Variants in FSIP1 observed in about 807,000 individuals in gnomAD.
The protein encoded by FSIP1 is fibrous sheath interacting protein 1.
In FSIP1, 65 loss-of-function variants were observed where a neutral mutation model predicts 60.9. That is an observed-to-expected ratio of 1.07 (90% CI 0.87 to 1.31). The LOEUF (loss-of-function observed/expected upper bound fraction) is 1.31, where lower values mean the gene tolerates loss of function less well. Among genes scored for constraint, FSIP1 ranks in the 40% most tolerant of loss-of-function variants. FSIP1 has a pLI of 0.00. For synonymous variants in FSIP1, 209 were observed against 221.2 expected (o/e 0.94, Z 0.49); for missense variants, 675 against 665.5 (o/e 1.01, Z -0.16).
intron 9 of FSIP1, among the ~76,000 whole-genome samples, chr15:39,718,392 C>G (rs193116323): frequency 9.2e-5 from 14 of 151,852 alleles, no homozygotes; most frequent in Admixed American, 1.3e-4. Context: ...CAATAATTAA[C>G]TTGGCAAAAA....
chr15:39,607,834 C>T (rs1349520866), intron 11 of FSIP1, among the ~76,000 whole-genome samples: 2 of 152,210 alleles, frequency 1.3e-5, no homozygotes, highest in African/African-American at 2.4e-5. Context: ...TTCTTCCTGT[C>T]TGCTTCCAGA....
At chr15:39,637,238 A>G (rs1892172780) in intron 10 of FSIP1, among the ~76,000 whole-genome samples, 1 of 152,140 alleles carries the variant, frequency 6.6e-6, no homozygotes, top group African/African-American at 2.4e-5. Context: ...CAAACTCCCT[A>G]TCAATCTAGG....
At chr15:39,689,924 T>A (rs1380093182) in intron 10 of FSIP1, among the ~76,000 whole-genome samples, 1 of 152,198 alleles carries the variant, frequency 6.6e-6, no homozygotes, top group Non-Finnish European at 1.5e-5. Context: ...AAATCACTCA[T>A]TCAAAACCAG....
At chr15:39,730,236 G>A (rs1896352687) in intron 8 of FSIP1, among the ~76,000 whole-genome samples, 1 of 152,108 alleles carries the variant, frequency 6.6e-6, no homozygotes, top group Non-Finnish European at 1.5e-5. Flanking sequence ...TTTTGAAACT[G>A]GCAGACATCC....
chr15:39,762,270 C>G (rs989228265), intron 5 of FSIP1, among the ~76,000 whole-genome samples: 1 of 152,192 alleles, frequency 6.6e-6, no homozygotes, highest in African/African-American at 2.4e-5. Flanking sequence ...GTCAGCAGAG[C>G]ATTCCTTCCG....
downstream of FSIP1, chr15:39,599,229 G>A (rs779393243): frequency 2.0e-5 from 3 of 152,072 alleles, no homozygotes; most frequent in Admixed American, 1.3e-4. Flanking sequence ...AAAAAAATCC[G>A]GAAGCTTTTT....
downstream of FSIP1, chr15:39,599,347 A>G (rs908530559): frequency 6.6e-6 from 1 of 152,138 alleles, no homozygotes; most frequent in Admixed American, 6.6e-5. Context: ...TACTTAAAAT[A>G]ACTCTATTTT....
At chr15:39,649,391 G>C (rs1421474292) in intron 10 of FSIP1, among the ~76,000 whole-genome samples, 1 of 152,096 alleles carries the variant, frequency 6.6e-6, no homozygotes, top group Non-Finnish European at 1.5e-5. Context: ...AATGCTTCAA[G>C]TTTTCAATCT....
chr15:39,657,770 G>A (rs1893128217), intron 10 of FSIP1, among the ~76,000 whole-genome samples: 1 of 152,090 alleles, frequency 6.6e-6, no homozygotes, highest in South Asian at 2.1e-4. Flanking sequence ...TCTACACTCT[G>A]ATCATAAAAT....
intron 10 of FSIP1, among the ~76,000 whole-genome samples, chr15:39,704,813 T>C (rs1895199097): frequency 6.6e-6 from 1 of 152,208 alleles, no homozygotes; most frequent in Non-Finnish European, 1.5e-5. Flanking sequence ...GACAAGAGCA[T>C]GTCGAAATAA....
At position 39,617,827 on chromosome 15, in the gene FSIP1, G is replaced by C; in HGVS notation, c.1607C>G (p.Ser536Cys). The change falls in exon 11 of 12, where the codon TCC (serine) becomes TGC (cysteine). Residue 536 changes from serine (S) to cysteine (C), a missense_variant. Ser to Cys is a moderately radical substitution (Grantham distance 112, BLOSUM62 -1). Transcript: ENST00000350221. ...ACCATACAGTGGATCATCTAAGAAG[G>C]AGGGCCTTTTCAGTCTCCCAATGCC... Reference protein sequence around the residue: ...TLGIGRLKRPSFLDDPLYGIS... With the variant: ...TLGIGRLKRPCFLDDPLYGIS... 1 of 1,613,632 alleles carries C rather than the reference G, an allele frequency of 6.2e-7. No homozygotes were observed. The highest frequency in any genetic ancestry group is 1.3e-5 in the African/African-American group (1 of 75,058).
At chr15:39,760,993 A>G (rs1897477248) in intron 5 of FSIP1, among the ~76,000 whole-genome samples, 1 of 152,198 alleles carries the variant, frequency 6.6e-6, no homozygotes, top group Non-Finnish European at 1.5e-5. Flanking sequence ...CTCACTAATC[A>G]TTCAGGAAAT....
intron 10 of FSIP1, 94 bp from the exon 11 acceptor site, chr15:39,618,339 T>A: frequency 1.1e-6 from 1 of 926,038 alleles, no homozygotes; most frequent in Non-Finnish European, 1.6e-6. Flanking sequence ...TAAATGCAAG[T>A]AACCCCTTAC....
chr15:39,754,890 G>A (rs540664167), intron 5 of FSIP1, among the ~76,000 whole-genome samples: 74 of 152,108 alleles, frequency 4.9e-4, no homozygotes, highest in African/African-American at 1.8e-3. Context: ...TCAAATTTAG[G>A]AGGACCACTT....
rs372110496 is a variant in FSIP1, at chr15:39,738,148, C to A, written c.834G>T (p.Arg278Ser). Residue 278 changes from arginine (R) to serine (S), a missense_variant, in exon 8 of 12, where the codon AGG becomes AGT. Arg to Ser is a moderately radical substitution (Grantham distance 110). Coordinates refer to ENST00000350221, the MANE Select transcript of FSIP1 (RefSeq NM_152597.5). ...PVVMVDREKK[R>S]LVELLKDLDE... ...CCAAGTCCTTCAAAAGCTCAACCAGCCTTTTCTTCTCTCTGTCAACCATAA... is the reference window on the plus strand; with the variant it reads ...CCAAGTCCTTCAAAAGCTCAACCAGACTTTTCTTCTCTCTGTCAACCATAA... 2 of 1,613,436 alleles carry A rather than the reference C, an allele frequency of 1.2e-6. No homozygotes were observed. The highest frequency in any genetic ancestry group is 1.7e-6 in the Non-Finnish European group (2 of 1,179,806).
At chr15:39,728,192 G>A (rs1896270731) in intron 8 of FSIP1, among the ~76,000 whole-genome samples, 2 of 152,272 alleles carry the variant, frequency 1.3e-5, no homozygotes, top group South Asian at 2.1e-4. Context: ...AATCAGTATT[G>A]CTAAAATGGC....
intron 10 of FSIP1, among the ~76,000 whole-genome samples, chr15:39,645,462 G>A (rs1472917379): frequency 6.6e-6 from 1 of 152,138 alleles, no homozygotes; most frequent in Non-Finnish European, 1.5e-5. Context: ...TGAGGCTACA[G>A]GCCACCTAAA....
intron 10 of FSIP1, among the ~76,000 whole-genome samples, chr15:39,673,080 T>C (rs536118414): frequency 6.6e-6 from 1 of 152,228 alleles, no homozygotes; most frequent in Non-Finnish European, 1.5e-5. Flanking sequence ...CTAGAACGTA[T>C]GGACTCTAAC....
intron 8 of FSIP1, among the ~76,000 whole-genome samples, chr15:39,730,780 G>C (rs1023597490): frequency 3.9e-5 from 6 of 152,178 alleles, no homozygotes; most frequent in African/African-American, 1.4e-4. Context: ...GCAGGGAAAT[G>C]ATTAACAGGG....
Sources: gnomAD v4.1 joint callset for allele counts (sites outside exome capture counted in the v4.1 genomes callset) on GRCh38, gnomAD v4.1.1 for gene constraint, MANE v1.5 for transcripts, NCBI Gene and HGNC (gene_info 2026-07-23, HGNC 2026-07-21) for gene names.